Variants in SEMA5A observed in about 807,000 individuals in gnomAD.
The protein encoded by SEMA5A is semaphorin-5A.
Under a neutral mutation model 135.5 loss-of-function variants are expected in SEMA5A, and 55 were observed. The observed-to-expected ratio is 0.41, with a 90% CI of 0.33 to 0.51. The LOEUF is 0.51. Among genes scored for constraint, SEMA5A ranks in the 20% least tolerant of loss-of-function variants. SEMA5A has a pLI of 0.37. For synonymous variants in SEMA5A, 580 were observed against 546.5 expected (o/e 1.06, Z -0.85); for missense variants, 1,290 against 1,419.9 (o/e 0.91, Z 1.47).
At chr5:9,455,722 C>A (rs1473096621) in intron 1 of SEMA5A, among the ~76,000 whole-genome samples, 1 of 152,128 alleles carries the variant, frequency 6.6e-6, no homozygotes, top group Non-Finnish European at 1.5e-5. Context: ...TTCAGCCAAA[C>A]CAGGCTCTAA....
intron 18 of SEMA5A, among the ~76,000 whole-genome samples, chr5:9,058,716 G>C (rs545581945): frequency 6.6e-6 from 1 of 152,128 alleles, no homozygotes; most frequent in Non-Finnish European, 1.5e-5. Context: ...TGCTCAACAG[G>C]CTTCCTGTGT....
At chr5:9,224,911 A>T (rs374479394) in intron 7 of SEMA5A, 24 bp from the exon 8 acceptor site, 36 of 1,595,694 alleles carry the variant, frequency 2.3e-5, no homozygotes, top group Non-Finnish European at 3.1e-5. Flanking sequence ...TGAGAGGGAA[A>T]GCAGTTATCT....
intron 1 of SEMA5A, among the ~76,000 whole-genome samples, chr5:9,469,209 G>C (rs566200037): frequency 6.6e-6 from 1 of 152,014 alleles, no homozygotes; most frequent in African/African-American, 2.4e-5. Context: ...GGGTTTCACC[G>C]TATTGTTCAG....
Position 9,154,093 on chromosome 5 carries a change from A to ATATGTATATATATGTGTGTGTG in SEMA5A, c.1481+394_1481+395insCACACACACATATATATACATA, listed in dbSNP as rs372321939. ...TATATATATATATATATATATATAT[A>ATATGTATATATATGTGTGTGTG]TGTGTGTGTGTGTATGTGTGTGTAT... On this transcript the variant is annotated intron_variant, in intron 12 of 22. Transcript: ENST00000382496. Among the ~76,000 whole-genome samples, 4 of 73,526 alleles carry ATATGTATATATATGTGTGTGTG rather than the reference A, an allele frequency of 5.4e-5. No homozygotes were observed. The Admixed American group carries it at 7.3e-4, about 13-fold the overall frequency. The allele number at this position is 73,526 out of a possible 152,430, so 48.2% of individuals were successfully genotyped here.
chr5:9,510,510 G>A (rs35719165), intron 1 of SEMA5A, among the ~76,000 whole-genome samples: 45,996 of 152,008 alleles, frequency 0.3, 7,199 homozygotes, highest in East Asian at 0.55. Flanking sequence ...CTTTTACATA[G>A]CATTGTAAAA....
chr5:9,176,613 T>C (rs945787293), intron 11 of SEMA5A, among the ~76,000 whole-genome samples: 1 of 152,234 alleles, frequency 6.6e-6, no homozygotes, highest in Non-Finnish European at 1.5e-5. Context: ...TTTAACACCT[T>C]GTTGAACTGT....
intron 1 of SEMA5A, among the ~76,000 whole-genome samples, chr5:9,504,773 G>C (rs1322646977): frequency 6.6e-6 from 1 of 152,226 alleles, no homozygotes; most frequent in Non-Finnish European, 1.5e-5. Context: ...GTCACCACAG[G>C]TCCCGAGCAG....
chr5:9,297,250 T>G (rs1751384213), intron 5 of SEMA5A, among the ~76,000 whole-genome samples: 1 of 152,044 alleles, frequency 6.6e-6, no homozygotes, highest in Admixed American at 6.6e-5. Flanking sequence ...TTTTTTTCTA[T>G]CGACTCAAAT....
intron 1 of SEMA5A, among the ~76,000 whole-genome samples, chr5:9,528,740 A>G (rs1737274749): frequency 6.6e-6 from 1 of 152,238 alleles, no homozygotes; most frequent in Admixed American, 6.5e-5. Flanking sequence ...ACATAATAAC[A>G]AATTGCAGGT....
chr5:9,052,694 G>T (rs1382080501), intron 19 of SEMA5A, among the ~76,000 whole-genome samples: 1 of 152,032 alleles, frequency 6.6e-6, no homozygotes, highest in African/African-American at 2.4e-5. Context: ...CAAAAGAGGG[G>T]CATTGAAAGG....
chr5:9,232,031 A>C (rs949181213), intron 6 of SEMA5A, among the ~76,000 whole-genome samples: 4 of 152,152 alleles, frequency 2.6e-5, no homozygotes, highest in Non-Finnish European at 4.4e-5. Flanking sequence ...ATAGCCGAGG[A>C]GCATGGTTGC....
intron 1 of SEMA5A, among the ~76,000 whole-genome samples, chr5:9,459,746 G>A (rs1398182428): frequency 1.3e-5 from 2 of 152,128 alleles, no homozygotes; most frequent in African/African-American, 2.4e-5. Context: ...GTAGATAACT[G>A]ATAAAGATCA....
intron 9 of SEMA5A, among the ~76,000 whole-genome samples, chr5:9,198,682 T>A (rs1019126016): frequency 6.6e-6 from 1 of 152,170 alleles, no homozygotes; most frequent in Non-Finnish European, 1.5e-5. Flanking sequence ...CAGCTATGGG[T>A]TTGTTCACTT....
chr5:9,164,949 T>C (rs1359644918), intron 11 of SEMA5A, among the ~76,000 whole-genome samples: 1 of 152,156 alleles, frequency 6.6e-6, no homozygotes, highest in Non-Finnish European at 1.5e-5. Context: ...ATATTTACCA[T>C]CACAACGAGT....
intron 8 of SEMA5A, among the ~76,000 whole-genome samples, chr5:9,208,670 T>C (rs1746180899): frequency 6.6e-6 from 1 of 151,964 alleles, no homozygotes; most frequent in South Asian, 2.1e-4. Context: ...AGGAATGGAA[T>C]GAAGCCACAG....
chr5:9,096,643 T>C (rs576405972), intron 16 of SEMA5A, among the ~76,000 whole-genome samples: 2 of 151,420 alleles, frequency 1.3e-5, no homozygotes, highest in East Asian at 3.9e-4. Context: ...CTTAAGCTGT[T>C]TCCAAATGAA....
At chr5:9,481,237 T>C (rs912664361) in intron 1 of SEMA5A, among the ~76,000 whole-genome samples, 1 of 152,180 alleles carries the variant, frequency 6.6e-6, no homozygotes, top group Admixed American at 6.5e-5. Context: ...TGAGCCACCA[T>C]GCCCGGCCCA....
chr5:9,433,361 G>T lies in SEMA5A; in HGVS notation c.-78+4395C>A, dbSNP rs796349859. Among the ~76,000 whole-genome samples the T allele has an allele frequency of 6.9e-4, 104 of 151,716 alleles. 1 individual carries two copies. The highest frequency in any genetic ancestry group is 2.1e-3 in the African/African-American group (87 of 41,366). On this transcript the variant is annotated intron_variant, in intron 2 of 22. Coordinates refer to ENST00000382496, the MANE Select transcript of SEMA5A (RefSeq NM_003966.3). ...AAGCACTGATTAAAATCATTATCAA[G>T]AAAAAATCTGACATCACTAAAATAA...
At chr5:9,529,756 T>C (rs1412731504) in intron 1 of SEMA5A, among the ~76,000 whole-genome samples, 2 of 152,220 alleles carry the variant, frequency 1.3e-5, no homozygotes, top group South Asian at 2.1e-4. Context: ...CTTCCTATTG[T>C]TCATTCATTC....
Sources: allele counts gnomAD v4.1 joint callset (sites outside exome capture counted in the v4.1 genomes callset), GRCh38; gene constraint gnomAD v4.1.1; transcripts MANE v1.5; gene names NCBI Gene and HGNC (gene_info 2026-07-23, HGNC 2026-07-21).